Variants in JARID2 observed in about 807,000 individuals in gnomAD.
The protein encoded by JARID2 is protein Jumonji.
A neutral mutation model predicts 125.6 loss-of-function variants in JARID2; 21 were observed. The observed-to-expected ratio is 0.17, with a 90% CI of 0.12 to 0.24. JARID2 has a LOEUF of 0.24. Among genes scored for constraint, JARID2 ranks in the 10% least tolerant of loss-of-function variants. The pLI is 1.00. For missense variants in JARID2, 1,303 were observed against 1,639.6 expected, an observed-to-expected ratio of 0.79 and a Z score of 3.55; for synonymous variants, 736 against 661.6, an observed-to-expected ratio of 1.11 and a Z score of -1.73.
At chr6:15,374,582 C>T (rs1764283537) in intron 2 of JARID2, among the ~76,000 whole-genome samples, 1 of 152,138 alleles carries the variant, frequency 6.6e-6, no homozygotes, top group Admixed American at 6.5e-5. Context: ...GTCTTTAGTT[C>T]TTGTCCCCGG....
intron 2 of JARID2, among the ~76,000 whole-genome samples, chr6:15,392,792 C>G (rs996148726): frequency 1.4e-5 from 2 of 147,250 alleles, no homozygotes; most frequent in Admixed American, 1.4e-4. Flanking sequence ...TCAAGTAATT[C>G]TCATGCCTCA....
chr6:15,321,491 A>G (rs1367850872), intron 1 of JARID2, among the ~76,000 whole-genome samples: 3 of 152,104 alleles, frequency 2.0e-5, no homozygotes, highest in Non-Finnish European at 4.4e-5. Flanking sequence ...GTAGCTTTTT[A>G]TTACTTCTGC....
intron 2 of JARID2, among the ~76,000 whole-genome samples, chr6:15,388,089 G>GGCTT (rs1346264822): frequency 1.3e-5 from 2 of 152,120 alleles, no homozygotes; most frequent in Non-Finnish European, 2.9e-5. Flanking sequence ...GCTAGAGAAA[G>GGCTT]GCTTCATGTG....
chr6:15,286,735 G>A (rs377346657), intron 1 of JARID2, among the ~76,000 whole-genome samples: 24 of 151,732 alleles, frequency 1.6e-4, no homozygotes, highest in East Asian at 1.2e-3. Context: ...GGTGGCAGGC[G>A]CCTGTAGTCC....
chr6:15,434,805 C>T (rs1035912754), intron 3 of JARID2, among the ~76,000 whole-genome samples: 4 of 152,210 alleles, frequency 2.6e-5, no homozygotes, highest in African/African-American at 9.6e-5. Context: ...TGGGCCTTAA[C>T]CTCTGCTGGA....
chr6:15,441,074 T>G (rs968924140), intron 3 of JARID2, among the ~76,000 whole-genome samples: 1 of 152,146 alleles, frequency 6.6e-6, no homozygotes, highest in Non-Finnish European at 1.5e-5. Context: ...AAAGGCTAGA[T>G]GTTGTGGGTT....
At chr6:15,292,907 G>C (rs1014404282) in intron 1 of JARID2, among the ~76,000 whole-genome samples, 2 of 152,120 alleles carry the variant, frequency 1.3e-5, no homozygotes, top group African/African-American at 4.8e-5. Context: ...GGCCTCAGGC[G>C]ATCCTCCTGC....
Position 15,506,878 on chromosome 6 carries a change from G to T in JARID2, c.2542-258G>T, listed in dbSNP as rs987728019. On this transcript the variant is annotated intron_variant, in intron 9 of 17. Transcript: ENST00000341776. ...CATCTGTGGATGGGATACTTTGGTG[G>T]CTTCACCTTTTGGCTGTTGGGAATA... Among the ~76,000 whole-genome samples, 13 of 152,190 alleles carry T rather than the reference G, an allele frequency of 8.5e-5. 1 individual carries two copies. Among genetic ancestry groups the T allele is most frequent in the South Asian group, 8.3e-4 (4 of 4,826 alleles).
chr6:15,254,482 G>A (rs1759576580), intron 1 of JARID2, among the ~76,000 whole-genome samples: 1 of 152,238 alleles, frequency 6.6e-6, no homozygotes, highest in Admixed American at 6.5e-5. Context: ...TAATGAGGCG[G>A]TGTGAGTAAT....
intron 1 of JARID2, among the ~76,000 whole-genome samples, chr6:15,352,348 T>C (rs1763458955): frequency 6.6e-6 from 1 of 152,332 alleles, no homozygotes; most frequent in Non-Finnish European, 1.5e-5. Flanking sequence ...TGTTACATTG[T>C]CCTCTGTCTG....
chr6:15,484,112 A>T (rs938850833), intron 5 of JARID2, among the ~76,000 whole-genome samples: 23 of 152,198 alleles, frequency 1.5e-4, no homozygotes, highest in African/African-American at 5.6e-4. Context: ...AAGGGTTTCT[A>T]GGTCCTTGAA....
chr6:15,454,254 A>G (rs974950663), intron 4 of JARID2, among the ~76,000 whole-genome samples: 7 of 151,986 alleles, frequency 4.6e-5, no homozygotes, highest in Non-Finnish European at 7.4e-5. Flanking sequence ...TCCTTGCCCA[A>G]TTGCCCTGCC....
In JARID2 at chr6:15,345,035, TTTTTTAATGCAGCAG is replaced by T. The variant is rs1763200251; in HGVS notation, c.46-29081_46-29067del. ...AATATCAGTTATCAGTGTAATTTGT[TTTTTTAATGCAGCAG>T]CTGGTTTCTAGGCTTAGGAATGATA... On this transcript the variant is annotated intron_variant, in intron 1 of 17. Transcript: ENST00000341776. Among the ~76,000 whole-genome samples the T allele has an allele frequency of 4.6e-5, 7 of 152,310 alleles. No homozygotes were observed. In the South Asian group the frequency reaches 1.4e-3, roughly 32 times the overall value.
Position 15,246,712 on chromosome 6 carries a change from T to C in JARID2, c.45+128T>C. On this transcript the variant is annotated intron_variant, in intron 1 of 17. Transcript: ENST00000341776. ...CGTCCGATAAGGCTGTTTCTTTTTTTTCTGAAAGAGGGCTTTTCAAGCAAA... is the reference window on the plus strand; with the variant it reads ...CGTCCGATAAGGCTGTTTCTTTTTTCTCTGAAAGAGGGCTTTTCAAGCAAA... The C allele has an allele frequency of 3.4e-6, 3 of 874,202 alleles. No homozygotes were observed. In the South Asian group the frequency reaches 4.7e-5, roughly 14 times the overall value. 54.2% of individuals were successfully genotyped at this position (874,202 alleles called of 1,614,324 possible). A position where few individuals can be genotyped will look rare whatever the true frequency, so the allele number is the denominator to read the frequency against.
chr6:15,329,476 A>G (rs1762635820), intron 1 of JARID2, among the ~76,000 whole-genome samples: 1 of 152,204 alleles, frequency 6.6e-6, no homozygotes, highest in South Asian at 2.1e-4. Context: ...ACTCAGGGCA[A>G]GCTCACTGTA....
chr6:15,297,484 CACTCTTTTT>C (rs939864921), intron 1 of JARID2, among the ~76,000 whole-genome samples: 9 of 150,984 alleles, frequency 6.0e-5, no homozygotes, highest in African/African-American at 9.7e-5. Context: ...CCACATACAG[CACTCTTTTT>C]TTTTTTTTTA....
In JARID2 at chr6:15,520,202, C is replaced by T. The variant is rs148364412; in HGVS notation, c.3692C>T (p.Ser1231Phe). The change falls in exon 18 of 18, where the codon TCC (serine) becomes TTC (phenylalanine). Residue 1231 changes from serine to phenylalanine, a missense_variant. Transcript: ENST00000341776. ...AGAGCGACAGTGGACGTGCCCCCCT[C>T]CCGTCTGTCAGCCTCCAGTTCATCC... ...RKRATVDVPP[S>F]RLSASSSSKS... is the part of the protein sequence containing the mutation. The T allele has an allele frequency of 6.2e-7, 1 of 1,613,646 alleles. No homozygotes were observed. The highest frequency in any genetic ancestry group is 8.5e-7 in the Non-Finnish European group (1 of 1,179,796).
intron 3 of JARID2, among the ~76,000 whole-genome samples, chr6:15,425,468 G>C (rs1453235149): frequency 6.6e-6 from 1 of 152,164 alleles, no homozygotes; most frequent in Non-Finnish European, 1.5e-5. Context: ...TCATGTGTTA[G>C]AAACTTGTTC....
chr6:15,396,470 A>G (rs958578251), intron 2 of JARID2, among the ~76,000 whole-genome samples: 1 of 152,190 alleles, frequency 6.6e-6, no homozygotes, highest in Non-Finnish European at 1.5e-5. Context: ...ATAAGTCAGT[A>G]TTTTTTAATT....
Sources: gnomAD v4.1 joint callset for allele counts (sites outside exome capture counted in the v4.1 genomes callset) on GRCh38, gnomAD v4.1.1 for gene constraint, MANE v1.5 for transcripts, NCBI Gene and HGNC (gene_info 2026-07-23, HGNC 2026-07-21) for gene names.